Variants in CELF2 observed in about 807,000 individuals in gnomAD.
CELF2 encodes CUG triplet repeat RNA-binding protein 2.
Under a neutral mutation model 62.6 loss-of-function variants are expected in CELF2, and 8 were observed. The ratio of observed to expected loss-of-function variants is 0.13; its 90% CI spans 0.07 to 0.23. The LOEUF (loss-of-function observed/expected upper bound fraction) is 0.23. Among genes scored for constraint, CELF2 ranks in the 10% least tolerant of loss-of-function variants. The probability of loss-of-function intolerance (pLI) is 1.00; values close to 1 mark genes in which losing one functional copy is unlikely to be tolerated. For synonymous variants in CELF2, 258 were observed against 250.0 expected (o/e 1.03, Z -0.30); for missense variants, 333 against 671.0 (o/e 0.50, Z 5.56).
chr10:11,185,913 T>C (rs1326256321), intron 2 of CELF2, among the ~76,000 whole-genome samples: 1 of 152,246 alleles, frequency 6.6e-6, no homozygotes, highest in Non-Finnish European at 1.5e-5. Flanking sequence ...TATAAAGTTG[T>C]ATTATTTCTT....
In CELF2 at chr10:11,105,857, G is replaced by A. The variant is rs116786433; in HGVS notation, c.75-59629G>A. Among the ~76,000 whole-genome samples, 718 of 152,236 alleles carry A rather than the reference G, an allele frequency of 4.7e-3. 6 individuals are homozygous for A. Among genetic ancestry groups the A allele is most frequent in the African/African-American group, 0.016 (682 of 41,534 alleles). The stretch of plus-strand genomic sequence containing the variant: ...CAGTCTCCACTACTCCCTGGAATAC[G>A]ATACCCCAGTCACACTCCACCTCAT... On this transcript the variant is annotated intron_variant, in intron 1 of 12. Coordinates refer to ENST00000633077, the MANE Select transcript of CELF2 (RefSeq NM_001326342.2).
chr10:11,272,475 T>C (rs1306093877), intron 7 of CELF2, among the ~76,000 whole-genome samples: 1 of 152,132 alleles, frequency 6.6e-6, no homozygotes, highest in East Asian at 1.9e-4. Flanking sequence ...GAGTCCGGCT[T>C]CCCCCATCCA....
chr10:11,120,476 C>T (rs1209554662), intron 1 of CELF2, among the ~76,000 whole-genome samples: 1 of 152,166 alleles, frequency 6.6e-6, no homozygotes, highest in African/African-American at 2.4e-5. Context: ...AGATTTCAAG[C>T]TTGCTTCTTG....
At chr10:10,695,050 T>C in the CELF2 span, among the ~76,000 whole-genome samples, 1 of 150,544 alleles carries the variant, frequency 6.6e-6, no homozygotes, top group African/African-American at 2.5e-5. Context: ...CCTGTCATTA[T>C]GATGTTAGCT....
chr10:11,261,130 G>A (rs771863973), intron 5 of CELF2, among the ~76,000 whole-genome samples: 8 of 152,240 alleles, frequency 5.3e-5, no homozygotes, highest in Non-Finnish European at 1.0e-4. Context: ...TTGGATTATG[G>A]TGAGGGAGAG....
chr10:10,742,053 T>G, the CELF2 span, among the ~76,000 whole-genome samples: 2 of 152,216 alleles, frequency 1.3e-5, no homozygotes, highest in Non-Finnish European at 2.9e-5. Context: ...CCATTATTTA[T>G]TTTATTGCTG....
At position 10,884,573 on chromosome 10, in the gene CELF2, C is replaced by T. The variant is rs148346434; in HGVS notation, c.54-35391C>T. Among the ~76,000 whole-genome samples, 4 of 152,244 alleles carry T rather than the reference C, an allele frequency of 2.6e-5. No individual in the cohort carries two copies. In the East Asian group the frequency reaches 5.8e-4, roughly 22 times the overall value. ...ATATTATGAACAGAACTTATCCTAC[C>T]CTTTATATGTTTCATGTGTACTACT... is the stretch of plus-strand genomic sequence containing the variant. On this transcript the variant is annotated intron_variant, in intron 1 of 13. Coordinates refer to the CELF2 transcript ENST00000636488.
At chr10:10,825,271 G>A (rs2057295015) in intron 1 of CELF2, among the ~76,000 whole-genome samples, 2 of 152,076 alleles carry the variant, frequency 1.3e-5, no homozygotes, top group Admixed American at 1.3e-4. Context: ...GTGCAGTGGC[G>A]CGATCTCGAC....
chr10:10,914,805 A>T (rs1020316821), intron 1 of CELF2, among the ~76,000 whole-genome samples: 1 of 152,082 alleles, frequency 6.6e-6, no homozygotes, highest in South Asian at 2.1e-4. Context: ...TGCACTTTGT[A>T]GTTGTTTGCA....
At chr10:10,609,377 G>A in the CELF2 span, among the ~76,000 whole-genome samples, 7 of 152,074 alleles carry the variant, frequency 4.6e-5, no homozygotes, top group African/African-American at 7.2e-5. Flanking sequence ...TAGTGAGGCC[G>A]GAATAAGAGA....
At chr10:11,024,949 T>G (rs1564416128) in intron 1 of CELF2, among the ~76,000 whole-genome samples, 1 of 152,226 alleles carries the variant, frequency 6.6e-6, no homozygotes, top group African/African-American at 2.4e-5. Context: ...TTCTGTGCTT[T>G]TATGCTGAAA....
intron 1 of CELF2, among the ~76,000 whole-genome samples, chr10:10,837,090 C>T (rs1167288869): frequency 6.6e-6 from 1 of 152,194 alleles, no homozygotes; most frequent in African/African-American, 2.4e-5. Context: ...CGTTGTCATT[C>T]ATGACTGCTG....
chr10:11,138,972 T>C (rs1166164761), intron 1 of CELF2, among the ~76,000 whole-genome samples: 1 of 152,236 alleles, frequency 6.6e-6, no homozygotes, highest in Non-Finnish European at 1.5e-5. Flanking sequence ...ATTACTGTTT[T>C]TTACAGTACA....
chr10:10,498,364 G>T, the CELF2 span, among the ~76,000 whole-genome samples: 1 of 152,242 alleles, frequency 6.6e-6, no homozygotes, highest in African/African-American at 2.4e-5. Flanking sequence ...GAAGGAAGTA[G>T]GTGATCGGGC....
the CELF2 span, among the ~76,000 whole-genome samples, chr10:10,465,616 G>A: frequency 1.6e-3 from 239 of 152,132 alleles, 1 homozygote; most frequent in African/African-American, 5.4e-3. Flanking sequence ...GGTGTCAGGA[G>A]GTATCAAGTC....
At chr10:10,733,167 A>G in the CELF2 span, among the ~76,000 whole-genome samples, 1 of 151,912 alleles carries the variant, frequency 6.6e-6, no homozygotes, top group Non-Finnish European at 1.5e-5. Flanking sequence ...CGGCCCCCAC[A>G]TTCTACCTGT....
At chr10:10,502,832 A>G in the CELF2 span, among the ~76,000 whole-genome samples, 1 of 151,902 alleles carries the variant, frequency 6.6e-6, no homozygotes, top group Non-Finnish European at 1.5e-5. Flanking sequence ...GAGAAGTTAC[A>G]TTATTGATTT....
the CELF2 span, among the ~76,000 whole-genome samples, chr10:10,591,951 A>G: frequency 6.6e-6 from 1 of 152,190 alleles, no homozygotes; most frequent in African/African-American, 2.4e-5. Context: ...TTGTAATTGG[A>G]TATGTATTTG....
the CELF2 span, among the ~76,000 whole-genome samples, chr10:10,643,708 T>C: frequency 6.6e-6 from 1 of 152,204 alleles, no homozygotes; most frequent in South Asian, 2.1e-4. Context: ...GAGTTCCTTC[T>C]AGGGAAGAGG....
Sources: allele counts gnomAD v4.1 joint callset (sites outside exome capture counted in the v4.1 genomes callset), GRCh38; gene constraint gnomAD v4.1.1; transcripts MANE v1.5; gene names NCBI Gene and HGNC (gene_info 2026-07-23, HGNC 2026-07-21).